The following APPL2 variants were observed in gnomAD, a reference collection of about 807,000 sequenced individuals.
APPL2 encodes the protein DCC-interacting protein 13-beta.
APPL2 carries 84 observed loss-of-function variants against 92.7 expected under a neutral mutation model. The observed-to-expected ratio is 0.91, with a 90% CI of 0.76 to 1.09. The LOEUF (loss-of-function observed/expected upper bound fraction) is 1.09, where lower values mean the gene tolerates loss of function less well. Ranked by LOEUF, APPL2 falls within the 50% of genes least tolerant of loss-of-function variation. APPL2 has a pLI of 0.00. For missense variants in APPL2, 736 were observed against 824.5 expected, an observed-to-expected ratio of 0.89 and a Z score of 1.31; for synonymous variants, 291 against 291.0, an observed-to-expected ratio of 1.00 and a Z score of 0.00.
chr12:105,210,409 G>A (rs1367299757), intron 5 of APPL2, among the ~76,000 whole-genome samples: 1 of 152,082 alleles, frequency 6.6e-6, no homozygotes, highest in East Asian at 1.9e-4. Flanking sequence ...CTTTTTTGGG[G>A]CCAGCAACTT....
At chr12:105,181,724 T>C (rs1483134554) in intron 17 of APPL2, among the ~76,000 whole-genome samples, 2 of 152,210 alleles carry the variant, frequency 1.3e-5, no homozygotes, top group Non-Finnish European at 2.9e-5. Flanking sequence ...ATCCATTTCT[T>C]CTAGATTTTC....
At chr12:105,223,521 G>C (rs1011899374) in intron 2 of APPL2, among the ~76,000 whole-genome samples, 5 of 151,508 alleles carry the variant, frequency 3.3e-5, no homozygotes, top group African/African-American at 1.2e-4. Context: ...TTCGAGGGGG[G>C]TGTTATTAAC....
At chr12:105,214,925 A>C (rs1889551292) in intron 4 of APPL2, among the ~76,000 whole-genome samples, 1 of 152,162 alleles carries the variant, frequency 6.6e-6, no homozygotes, top group South Asian at 2.1e-4. Context: ...GGGTTTGGAG[A>C]GCTTCCAGGT....
intron 1 of APPL2, among the ~76,000 whole-genome samples, chr12:105,235,712 G>A (rs946201016): frequency 6.6e-6 from 1 of 152,124 alleles, no homozygotes; most frequent in African/African-American, 2.4e-5. Context: ...GAGCTTGCAG[G>A]GGGGTCACGA....
chr12:105,186,351 A>T (rs964335186), intron 17 of APPL2, among the ~76,000 whole-genome samples: 1 of 151,798 alleles, frequency 6.6e-6, no homozygotes, highest in African/African-American at 2.4e-5. Context: ...GGAATGCTCA[A>T]CTCTACCACA....
chr12:105,176,734 T>G, intron 19 of APPL2, 142 bp downstream of exon 19: 1 of 1,095,420 alleles, frequency 9.1e-7, no homozygotes, highest in East Asian at 2.4e-5. Flanking sequence ...AGTGAGGCCT[T>G]CTTAGGAGGT....
chr12:105,205,883 C>G (rs970412983), intron 8 of APPL2, among the ~76,000 whole-genome samples: 5 of 152,244 alleles, frequency 3.3e-5, no homozygotes, highest in Non-Finnish European at 7.3e-5. Context: ...CTCCCAAGAT[C>G]TGCTGAGGAC....
chr12:105,200,856 G>GTATCTATC (rs1477359277), intron 9 of APPL2, among the ~76,000 whole-genome samples: 64 of 111,694 alleles, frequency 5.7e-4, no homozygotes, highest in African/African-American at 2.4e-3. Flanking sequence ...ATGTATGTAT[G>GTATCTATC]TATGTATGTA....
intron 17 of APPL2, among the ~76,000 whole-genome samples, chr12:105,179,683 G>C (rs1885918214): frequency 6.6e-6 from 1 of 152,188 alleles, no homozygotes; most frequent in Admixed American, 6.6e-5. Flanking sequence ...TCTAACTGGT[G>C]TGAGATGGTA....
chr12:105,216,732 G>A (rs908272871), intron 4 of APPL2, among the ~76,000 whole-genome samples: 1 of 152,178 alleles, frequency 6.6e-6, no homozygotes, highest in Non-Finnish European at 1.5e-5. Context: ...CAGCACACTG[G>A]GAGGGAATAA....
chr12:105,199,641 T>G, intron 9 of APPL2, 110 bp from the exon 10 acceptor site: 1 of 1,224,684 alleles, frequency 8.2e-7, no homozygotes, highest in Non-Finnish European at 1.1e-6. Context: ...GCCTTACAGA[T>G]GGAGCTGCCA....
chr12:105,188,441 A>G lies in APPL2; in HGVS notation c.1466T>C (p.Leu489Pro), dbSNP rs747714689. 6.2e-7 allele frequency: 1 copy of G among 1,614,082 alleles called. No homozygotes were observed. Among genetic ancestry groups the G allele is most frequent in the East Asian group, 2.2e-5 (1 of 44,876 alleles). The part of the protein sequence containing the change: ...DESFPEAEDS[L>P]LQQMFIVRFL... Reference sequence around the variant, plus strand: ...CCGAACTATAAACATCTGCTGCAAAAGAGAATCTGGAAGACAGCATTTTCC... The same window carrying G: ...CCGAACTATAAACATCTGCTGCAAAGGAGAATCTGGAAGACAGCATTTTCC... Residue 489 changes from leucine (L) to proline (P), a missense_variant, in exon 17 of 21, where the codon CTT (leucine) becomes CCT (proline). Transcript: ENST00000258530.
chr12:105,216,364 A>C (rs1889690268), intron 4 of APPL2, among the ~76,000 whole-genome samples: 1 of 152,186 alleles, frequency 6.6e-6, no homozygotes, highest in African/African-American at 2.4e-5. Context: ...TTAAAAAATG[A>C]GAAAAAAATA....
intron 16 of APPL2, among the ~76,000 whole-genome samples, chr12:105,188,993 A>G (rs1886964307): frequency 1.3e-5 from 2 of 152,160 alleles, no homozygotes; most frequent in South Asian, 4.1e-4. Flanking sequence ...CCCAGCAACC[A>G]TAACTAGAAG....
intron 1 of APPL2, 152 bp downstream of exon 1, chr12:105,235,807 T>C: frequency 2.0e-6 from 1 of 504,102 alleles, no homozygotes; most frequent in East Asian, 4.0e-5. Flanking sequence ...CGCCCCCTCC[T>C]CAGCCCGAGA....
intron 17 of APPL2, among the ~76,000 whole-genome samples, chr12:105,186,676 T>TATATCATATATGATATAATGATATCG: frequency 3.0e-5 from 1 of 32,830 alleles, no homozygotes; most frequent in Admixed American, 3.7e-4. Context: ...ATATATATGA[T>TATATCATATATGATATAATGATATCG]ATATCATATA....
intron 2 of APPL2, among the ~76,000 whole-genome samples, chr12:105,222,435 C>G (rs1415646453): frequency 6.6e-6 from 1 of 152,050 alleles, no homozygotes; most frequent in Non-Finnish European, 1.5e-5. Flanking sequence ...ATTCCTGAGG[C>G]AGAAACAGCA....
rs36104130 is a variant in APPL2 at position 105,194,782 on chromosome 12, TAA to T, written c.1241+477_1241+478del. Among the ~76,000 whole-genome samples, 10 of 144,490 alleles carry T rather than the reference TAA, an allele frequency of 6.9e-5. No homozygotes were observed. The East Asian group carries it at 1.2e-3, about 17-fold the overall frequency. The allele number at this position is 144,490 out of a possible 152,430, so 94.8% of individuals were successfully genotyped here. ...CAATTCTGAAAAATGTAGAAATAGTTAAAAAAAAAAAAAGTATGTGCAAATAC... is the reference window on the plus strand; with the variant it reads ...CAATTCTGAAAAATGTAGAAATAGTTAAAAAAAAAAAGTATGTGCAAATAC... On this transcript the variant is annotated intron_variant, in intron 14 of 20. Coordinates refer to ENST00000258530, the MANE Select transcript of APPL2 (RefSeq NM_018171.5).
At chr12:105,194,454 G>C (rs1358353266) in intron 14 of APPL2, among the ~76,000 whole-genome samples, 4 of 152,216 alleles carry the variant, frequency 2.6e-5, no homozygotes, top group Admixed American at 1.3e-4. Context: ...ACTTTGGGAA[G>C]CTGAGGCGGG....
Sources: allele counts gnomAD v4.1 joint callset (sites outside exome capture counted in the v4.1 genomes callset), GRCh38; gene constraint gnomAD v4.1.1; transcripts MANE v1.5; gene names NCBI Gene and HGNC (gene_info 2026-07-23, HGNC 2026-07-21).